The following SGCZ variants were observed in gnomAD, a reference collection of about 807,000 sequenced individuals.
SGCZ encodes zeta-sarcoglycan.
In SGCZ, 40 loss-of-function variants were observed where a neutral mutation model predicts 41.3. The ratio of observed to expected loss-of-function variants is 0.97; its 90% CI spans 0.75 to 1.26. The LOEUF (loss-of-function observed/expected upper bound fraction) is 1.26. Ranked by LOEUF, SGCZ falls within the 50% of genes most tolerant of loss-of-function variation. The pLI, the probability that SGCZ is intolerant of heterozygous loss-of-function variation, is 0.00. For synonymous variants in SGCZ, 206 were observed against 137.5 expected (o/e 1.50, Z -3.49); for missense variants, 552 against 369.8 (o/e 1.49, Z -4.04).
chr8:14,117,760 G>A (rs1259844612), intron 5 of SGCZ, among the ~76,000 whole-genome samples: 3 of 151,052 alleles, frequency 2.0e-5, no homozygotes, highest in African/African-American at 7.3e-5. Context: ...ATAGGCCCCA[G>A]TGTGTGATGT....
At chr8:14,749,792 G>C (rs191896699) in intron 1 of SGCZ, among the ~76,000 whole-genome samples, 21 of 152,168 alleles carry the variant, frequency 1.4e-4, no homozygotes, top group Non-Finnish European at 2.4e-4. Context: ...TAAAGTCTGT[G>C]ATCCTGCCTC....
intron 5 of SGCZ, among the ~76,000 whole-genome samples, chr8:14,131,568 G>C (rs1205814395): frequency 6.6e-6 from 1 of 151,830 alleles, no homozygotes; most frequent in African/African-American, 2.4e-5. Context: ...TTCCCTTTTT[G>C]TCTTTGTTTT....
At chr8:14,624,367 T>C (rs916424489) in intron 1 of SGCZ, among the ~76,000 whole-genome samples, 6 of 151,958 alleles carry the variant, frequency 3.9e-5, no homozygotes, top group African/African-American at 1.2e-4. Flanking sequence ...ATCAAATTTT[T>C]TGGCAGTTTA....
At chr8:14,145,795 G>A (rs968924416) in intron 5 of SGCZ, among the ~76,000 whole-genome samples, 1 of 152,142 alleles carries the variant, frequency 6.6e-6, no homozygotes, top group Admixed American at 6.5e-5. Flanking sequence ...GCTGAAAAAT[G>A]TAACTGGCAT....
At chr8:14,577,454 T>C (rs568579111) in intron 1 of SGCZ, among the ~76,000 whole-genome samples, 1 of 141,664 alleles carries the variant, frequency 7.1e-6, no homozygotes, top group African/African-American at 2.7e-5. Flanking sequence ...AGTGGCGCAA[T>C]CTCGGTTCAC....
chr8:14,374,700 A>G (rs1374108023), intron 2 of SGCZ, among the ~76,000 whole-genome samples: 1 of 152,160 alleles, frequency 6.6e-6, no homozygotes, highest in African/African-American at 2.4e-5. Flanking sequence ...TTGGGAGTAG[A>G]GGTGCAGTAG....
chr8:14,527,000 ATT>A, intron 2 of SGCZ, among the ~76,000 whole-genome samples: 1 of 152,118 alleles, frequency 6.6e-6, no homozygotes, highest in African/African-American at 2.4e-5. Context: ...AATATTTAAT[ATT>A]GAGTCGCTTT....
intron 1 of SGCZ, among the ~76,000 whole-genome samples, chr8:15,045,872 G>A (rs1053054358): frequency 6.6e-6 from 1 of 151,876 alleles, no homozygotes; most frequent in South Asian, 2.1e-4. Flanking sequence ...GGAAGAAAAG[G>A]ACCAAGAATA....
At chr8:14,146,829 G>A (rs554820983) in intron 5 of SGCZ, among the ~76,000 whole-genome samples, 1 of 140,584 alleles carries the variant, frequency 7.1e-6, no homozygotes, top group Non-Finnish European at 1.5e-5. Flanking sequence ...CCGAGATCCC[G>A]CCACTGCACT....
Position 14,164,910 on chromosome 8 carries a change from C to T in SGCZ, c.425-208G>A, listed in dbSNP as rs887249345. ...TTCTGTGCTAGGCTGGTTAGGCATA[C>T]AGGTGACCTCTGGATGTCTGACATA... On this transcript the variant is annotated intron_variant, in intron 4 of 7. Transcript: ENST00000382080. 7.1e-6 allele frequency: 4 copies of T among 561,176 alleles called. No individual in the cohort carries two copies. In the Admixed American group the frequency reaches 1.3e-4, roughly 19 times the overall value. The allele number at this position is 561,176 out of a possible 1,614,324, so 34.8% of individuals were successfully genotyped here.
chr8:14,315,943 C>G (rs967388080), intron 3 of SGCZ, among the ~76,000 whole-genome samples: 2 of 151,462 alleles, frequency 1.3e-5, no homozygotes, highest in African/African-American at 4.9e-5. Flanking sequence ...AATGATATGT[C>G]TATGTAAAGG....
At chr8:14,492,526 A>G (rs1384427204) in intron 2 of SGCZ, among the ~76,000 whole-genome samples, 1 of 152,154 alleles carries the variant, frequency 6.6e-6, no homozygotes, top group East Asian at 1.9e-4. Context: ...ATAAGGCCCA[A>G]TTATTTACTC....
Position 15,099,020 on chromosome 8 carries a change from T to C in SGCZ, c.39+138565A>G, listed in dbSNP as rs533510996. ...TTGTACTGAGCCGAGATCCCACCAC[T>C]GTACTCCAGCCTGAGTGACAGAGCG... On this transcript the variant is annotated intron_variant, in intron 1 of 7. Coordinates refer to ENST00000382080, the MANE Select transcript of SGCZ (RefSeq NM_139167.4). Among the ~76,000 whole-genome samples the C allele has an allele frequency of 2.6e-5, 4 of 152,362 alleles. No homozygotes were observed. In the South Asian group the frequency reaches 8.3e-4, roughly 32 times the overall value.
At chr8:15,033,132 G>T (rs1307269745) in intron 1 of SGCZ, among the ~76,000 whole-genome samples, 2 of 151,826 alleles carry the variant, frequency 1.3e-5, no homozygotes, top group African/African-American at 4.8e-5. Flanking sequence ...AAGAGTCCCA[G>T]GGTCCAGGCC....
At chr8:14,091,389 C>G (rs1055412269) in intron 7 of SGCZ, among the ~76,000 whole-genome samples, 1 of 151,924 alleles carries the variant, frequency 6.6e-6, no homozygotes, top group Non-Finnish European at 1.5e-5. Context: ...ATTTCTAGTT[C>G]TAGATCCATG....
chr8:14,481,140 C>T (rs1426653069), intron 2 of SGCZ, among the ~76,000 whole-genome samples: 1 of 151,814 alleles, frequency 6.6e-6, no homozygotes. Context: ...AAATAATGCA[C>T]AAATGATACA....
intron 2 of SGCZ, among the ~76,000 whole-genome samples, chr8:14,366,977 C>T (rs1266136306): frequency 1.3e-5 from 2 of 152,114 alleles, no homozygotes; most frequent in African/African-American, 4.8e-5. Flanking sequence ...CAAATTTCCA[C>T]AGAGGGCTTA....
chr8:14,209,307 C>G (rs1026097343), intron 4 of SGCZ, among the ~76,000 whole-genome samples: 1 of 152,040 alleles, frequency 6.6e-6, no homozygotes, highest in African/African-American at 2.4e-5. Context: ...TCAGAAGCCC[C>G]TCTCTCTCAC....
At chr8:14,306,049 T>C (rs921992852) in intron 3 of SGCZ, among the ~76,000 whole-genome samples, 3 of 152,240 alleles carry the variant, frequency 2.0e-5, no homozygotes, top group Non-Finnish European at 4.4e-5. Context: ...GAAAACTGCC[T>C]ACTAAACAAA....
Sources: allele counts gnomAD v4.1 joint callset (sites outside exome capture counted in the v4.1 genomes callset), GRCh38; gene constraint gnomAD v4.1.1; transcripts MANE v1.5; gene names NCBI Gene and HGNC (gene_info 2026-07-23, HGNC 2026-07-21).